VPS13A: variants seen among roughly 807,000 people sequenced by gnomAD.
VPS13A encodes intermembrane lipid transfer protein VPS13A.
A neutral mutation model predicts 390.9 loss-of-function variants in VPS13A; 264 were observed. The ratio of observed to expected loss-of-function variants is 0.68; its 90% CI spans 0.61 to 0.75. VPS13A has a LOEUF of 0.75. Ranked by LOEUF, VPS13A falls within the 30% of genes least tolerant of loss-of-function variation. The pLI, the probability that VPS13A is intolerant of heterozygous loss-of-function variation, is 0.00. For missense variants in VPS13A, 3,409 were observed against 3,733.9 expected (o/e 0.91, Z 2.27); for synonymous variants, 1,231 against 1,227.1 (o/e 1.00, Z -0.07).
chr9:77,290,836 A>C (rs1827610285), intron 31 of VPS13A, among the ~76,000 whole-genome samples: 1 of 152,076 alleles, frequency 6.6e-6, no homozygotes, highest in African/African-American at 2.4e-5. Flanking sequence ...CCATCTATTC[A>C]TGCATATGTT....
intron 69 of VPS13A, among the ~76,000 whole-genome samples, chr9:77,403,763 G>A (rs12353132): frequency 0.3 from 45,057 of 152,066 alleles, 7,020 homozygotes; most frequent in Middle Eastern, 0.35. Flanking sequence ...ACTTCTTCAA[G>A]TAGACAGTGG....
At chr9:77,415,854 T>A in intron 71 of VPS13A, 102 bp from the exon 72 acceptor site, 1 of 1,392,698 alleles carries the variant, frequency 7.2e-7, no homozygotes, top group Non-Finnish European at 1.0e-6. Context: ...GTATTACACC[T>A]AACTAAACTA....
intron 34 of VPS13A, chr9:77,305,438 T>TA (rs1356006422): frequency 6.6e-6 from 1 of 150,694 alleles, no homozygotes; most frequent in African/African-American, 2.5e-5. Flanking sequence ...TAGAAACTTA[T>TA]AAAACATAAA....
At chr9:77,267,231 A>C (rs1826087140) in intron 23 of VPS13A, among the ~76,000 whole-genome samples, 1 of 151,898 alleles carries the variant, frequency 6.6e-6, no homozygotes, top group Non-Finnish European at 1.5e-5. Flanking sequence ...GATCCTTTGG[A>C]GGAGAAGAGG....
rs952440946 is a variant in VPS13A, at chr9:77,420,375, T to C, written c.*4369T>C. 5 of 152,196 alleles carry C rather than the reference T, an allele frequency of 3.3e-5. No homozygotes were observed. Among genetic ancestry groups the C allele is most frequent in the African/African-American group, 1.2e-4 (5 of 41,450 alleles). The allele number at this position is 152,196 out of a possible 1,614,324, so 9.4% of individuals were successfully genotyped here. The stretch of plus-strand genomic sequence containing the variant: ...CATGTTTCTTTTATTGAAACCTTTT[T>C]CTACTTTATATTTCCTCTTTTGTAA... On this transcript the variant is annotated 3_prime_UTR_variant, in exon 72 of 72. Transcript: ENST00000360280.
chr9:77,409,932 G>A (rs1563999951), intron 71 of VPS13A, among the ~76,000 whole-genome samples: 1 of 151,232 alleles, frequency 6.6e-6, no homozygotes, highest in Non-Finnish European at 1.5e-5. Context: ...TCAAATTCAG[G>A]AAATACAGAG....
At chr9:77,306,092 T>C (rs894524228) in intron 34 of VPS13A, among the ~76,000 whole-genome samples, 5 of 152,142 alleles carry the variant, frequency 3.3e-5, no homozygotes, top group Admixed American at 2.0e-4. Flanking sequence ...AGTTACAAAC[T>C]AAGTGTCATG....
chr9:77,342,231 C>T (rs1830868984), intron 50 of VPS13A, among the ~76,000 whole-genome samples: 1 of 152,114 alleles, frequency 6.6e-6, no homozygotes, highest in Non-Finnish European at 1.5e-5. Flanking sequence ...AACCTTTAAT[C>T]ACTTACTGTG....
intron 67 of VPS13A, 121 bp downstream of exon 67, chr9:77,371,270 CA>C: frequency 7.5e-7 from 1 of 1,329,550 alleles, no homozygotes; most frequent in Non-Finnish European, 1.0e-6. Flanking sequence ...TATAACATAC[CA>C]CATAATACCA....
chr9:77,328,115 A>G (rs1405013818), intron 45 of VPS13A, among the ~76,000 whole-genome samples: 5 of 152,208 alleles, frequency 3.3e-5, no homozygotes, highest in Non-Finnish European at 5.9e-5. Context: ...TCCTTGATCA[A>G]TTTGCTACAG....
At chr9:77,358,144 C>T (rs922908697) in intron 56 of VPS13A, among the ~76,000 whole-genome samples, 9 of 151,454 alleles carry the variant, frequency 5.9e-5, no homozygotes, top group African/African-American at 7.3e-5. Context: ...TTAGTAGAGA[C>T]GGGGTTTCAC....
chr9:77,252,431 C>A, intron 22 of VPS13A, 79 bp downstream of exon 22: 2 of 1,144,594 alleles, frequency 1.7e-6, no homozygotes, highest in South Asian at 1.2e-5. Flanking sequence ...TTAACTGACT[C>A]TTCCTTGTGT....
At chr9:77,377,219 T>G (rs931506732) in intron 67 of VPS13A, among the ~76,000 whole-genome samples, 3 of 135,686 alleles carry the variant, frequency 2.2e-5, no homozygotes, top group Non-Finnish European at 3.1e-5. Context: ...TTTTTTTTTT[T>G]TTTTTTTTTT....
chr9:77,384,651 G>A, intron 68 of VPS13A: 1 of 1,602,410 alleles, frequency 6.2e-7, no homozygotes, highest in Non-Finnish European at 8.5e-7. Context: ...TGATGATGAT[G>A]ATGATGATGA....
chr9:77,235,141 C>G (rs1280168765), intron 17 of VPS13A, among the ~76,000 whole-genome samples: 1 of 152,126 alleles, frequency 6.6e-6, no homozygotes, highest in African/African-American at 2.4e-5. Flanking sequence ...TACAACAGTT[C>G]TTTATTTATT....
In VPS13A at chr9:77,185,911, A is replaced by G. The variant is rs563200100; in HGVS notation, c.100+8107A>G. 2.4e-4 allele frequency among the ~76,000 whole-genome samples: 37 copies of G among 152,270 alleles called. No homozygotes were observed. In the South Asian group the frequency reaches 7.7e-3, roughly 32 times the overall value. ...GGGGACTGAGGCTGGCGGATCATTT[A>G]AGGTTAAGAGTACGAGACCTGCCTG... On this transcript the variant is annotated intron_variant, in intron 1 of 71. Coordinates refer to ENST00000360280, the MANE Select transcript of VPS13A (RefSeq NM_033305.3).
intron 71 of VPS13A, among the ~76,000 whole-genome samples, chr9:77,410,937 C>T (rs1834889324): frequency 6.6e-6 from 1 of 152,152 alleles, no homozygotes; most frequent in South Asian, 2.1e-4. Flanking sequence ...ACCAAGCAGA[C>T]CTAATAGACA....
chr9:77,396,526 A>T (rs1203612028), intron 68 of VPS13A, among the ~76,000 whole-genome samples: 1 of 152,186 alleles, frequency 6.6e-6, no homozygotes, highest in African/African-American at 2.4e-5. Flanking sequence ...GTTTACATTT[A>T]TTCTCATTCA....
rs1467448961 is a variant in VPS13A at position 77,357,858 on chromosome 9, T to C, written c.7953+20T>C. 2.5e-6 allele frequency: 4 copies of C among 1,606,334 alleles called. No homozygotes were observed. Among genetic ancestry groups the C allele is most frequent in the Admixed American group, 1.7e-5 (1 of 59,700 alleles). ...ATACAGGTAAGTCTTTCTGAAAATA[T>C]AGGCAAAATTGTATTCTAAAGGAAT... On this transcript the variant is annotated intron_variant, in intron 56 of 71. Coordinates refer to ENST00000360280, the MANE Select transcript of VPS13A (RefSeq NM_033305.3).
Sources: gnomAD v4.1 joint callset for allele counts (sites outside exome capture counted in the v4.1 genomes callset) on GRCh38, gnomAD v4.1.1 for gene constraint, MANE v1.5 for transcripts, NCBI Gene and HGNC (gene_info 2026-07-23, HGNC 2026-07-21) for gene names.